ESCO1: variants seen among roughly 807,000 people sequenced by gnomAD.
ESCO1 encodes N-acetyltransferase ESCO1.
In ESCO1, 33 loss-of-function variants were observed where a neutral mutation model predicts 83.5. That is an observed-to-expected ratio of 0.40 (90% CI 0.30 to 0.53). The LOEUF is 0.53. Among genes scored for constraint, ESCO1 ranks in the 20% least tolerant of loss-of-function variants. The probability of loss-of-function intolerance (pLI) is 0.63; values close to 1 mark genes in which losing one functional copy is unlikely to be tolerated. For synonymous variants in ESCO1, 332 were observed against 324.3 expected (o/e 1.02, Z -0.25); for missense variants, 855 against 968.0 (o/e 0.88, Z 1.55).
chr18:21,586,981 G>C (rs796618018), intron 1 of ESCO1, among the ~76,000 whole-genome samples: 1 of 151,952 alleles, frequency 6.6e-6, no homozygotes, highest in Non-Finnish European at 1.5e-5. Context: ...TTTTTTTTCT[G>C]CATCTATTGA....
chr18:21,567,554 T>G (rs754523575), intron 5 of ESCO1, among the ~76,000 whole-genome samples: 1 of 152,118 alleles, frequency 6.6e-6, no homozygotes, highest in African/African-American at 2.4e-5. Context: ...TTTGCAGCAT[T>G]TATTAAATCC....
intron 8 of ESCO1, among the ~76,000 whole-genome samples, chr18:21,542,755 A>G (rs1289523281): frequency 6.6e-6 from 1 of 152,240 alleles, no homozygotes; most frequent in East Asian, 1.9e-4. Context: ...TTCAAATAAC[A>G]TACTCAAGAC....
At chr18:21,592,837 G>A (rs2038699656) in intron 1 of ESCO1, among the ~76,000 whole-genome samples, 1 of 151,004 alleles carries the variant, frequency 6.6e-6, no homozygotes, top group African/African-American at 2.4e-5. Context: ...TCTCAGACGG[G>A]GCGGTTGCCG....
intron 1 of ESCO1, among the ~76,000 whole-genome samples, chr18:21,598,856 T>C (rs551488255): frequency 1.1e-3 from 165 of 152,142 alleles, no homozygotes; most frequent in Non-Finnish European, 1.7e-3. Flanking sequence ...CAAAGTCACA[T>C]ATCTGACCCA....
At chr18:21,548,010 G>A (rs554053719) in intron 8 of ESCO1, among the ~76,000 whole-genome samples, 1 of 152,312 alleles carries the variant, frequency 6.6e-6, no homozygotes, top group East Asian at 1.9e-4. Context: ...GCTGAGGCAG[G>A]AGAATGGCGT....
chr18:21,531,893 CAAAAAAAAAA>C (rs10646843), intron 11 of ESCO1, among the ~76,000 whole-genome samples: 1 of 82,070 alleles, frequency 1.2e-5, no homozygotes, highest in Non-Finnish European at 2.2e-5. Flanking sequence ...GACTCCATCT[CAAAAAAAAAA>C]AAAAAAAAAA....
chr18:21,584,827 C>T (rs1347880081), intron 1 of ESCO1, among the ~76,000 whole-genome samples: 1 of 151,832 alleles, frequency 6.6e-6, no homozygotes, highest in Non-Finnish European at 1.5e-5. Flanking sequence ...ATCTCAACAA[C>T]AACAACAAAA....
At chr18:21,548,597 C>T (rs1286046293) in intron 8 of ESCO1, among the ~76,000 whole-genome samples, 1 of 151,526 alleles carries the variant, frequency 6.6e-6, no homozygotes, top group Non-Finnish European at 1.5e-5. Flanking sequence ...GCTGGAGTTT[C>T]AAGATCAGCA....
At chr18:21,589,485 G>A (rs1457779940) in intron 1 of ESCO1, among the ~76,000 whole-genome samples, 1 of 151,774 alleles carries the variant, frequency 6.6e-6, no homozygotes, top group Non-Finnish European at 1.5e-5. Flanking sequence ...CACACCACTG[G>A]AAACTTCTAG....
chr18:21,554,977 T>C (rs2038094290), intron 8 of ESCO1, among the ~76,000 whole-genome samples: 1 of 151,494 alleles, frequency 6.6e-6, no homozygotes, highest in Admixed American at 6.6e-5. Context: ...ACGCCTGTAG[T>C]CCCAGCTACT....
In ESCO1 at chr18:21,573,336, G is replaced by C. The variant is rs774750361; in HGVS notation, c.1508C>G (p.Ser503Cys). The change falls in exon 4 of 12, where the codon TCT becomes TGT. Residue 503 changes from serine to cysteine, a missense_variant. Physicochemically the swap from Ser to Cys is moderately radical, Grantham distance 112. This residue lies in a region of ESCO1 where 726 missense variants were observed against 699.5 expected (regional missense o/e 1.04). Coordinates refer to ENST00000269214, the MANE Select transcript of ESCO1 (RefSeq NM_052911.3). The part of the protein sequence containing the change: ...DPPLDNQMKH[S>C]FDSASNKNFS... Reference sequence around the variant, plus strand: ...TACCTTATTTGATGCTGAATCAAAAGAATGTTTCATCTGATTATCCAATGG... The same window carrying C: ...TACCTTATTTGATGCTGAATCAAAACAATGTTTCATCTGATTATCCAATGG... The C allele has an allele frequency of 1.9e-6, 3 of 1,577,390 alleles. No homozygotes were observed. The highest frequency in any genetic ancestry group is 2.6e-6 in the Non-Finnish European group (3 of 1,169,694).
At chr18:21,581,325 GA>G (rs879508167) in intron 2 of ESCO1, among the ~76,000 whole-genome samples, 1,368 of 132,566 alleles carry the variant, frequency 0.01, 21 homozygotes, top group African/African-American at 0.035. Context: ...CATCTCAAAA[GA>G]AAAAAAAAAA....
intron 10 of ESCO1, among the ~76,000 whole-genome samples, chr18:21,535,260 G>A (rs989868447): frequency 6.6e-6 from 1 of 151,838 alleles, no homozygotes; most frequent in Non-Finnish European, 1.5e-5. Context: ...TGTCACCCAG[G>A]CTGGAGTGCA....
At chr18:21,576,894 G>A (rs1273685084) in intron 2 of ESCO1, among the ~76,000 whole-genome samples, 2 of 152,034 alleles carry the variant, frequency 1.3e-5, no homozygotes, top group African/African-American at 4.8e-5. Context: ...TTAACCAGGC[G>A]TGGTGGCAGG....
At chr18:21,565,198 C>T (rs2038243143) in intron 6 of ESCO1, among the ~76,000 whole-genome samples, 1 of 151,974 alleles carries the variant, frequency 6.6e-6, no homozygotes, top group Admixed American at 6.6e-5. Context: ...CAACACTTAC[C>T]ACAGTTTGAA....
In ESCO1 at chr18:21,579,118, C is replaced by T. The variant is rs1281370518; in HGVS notation, c.-693-3341G>A. 2.6e-5 allele frequency among the ~76,000 whole-genome samples: 4 copies of T among 152,054 alleles called. No individual in the cohort carries two copies. In the East Asian group the frequency reaches 5.8e-4, roughly 22 times the overall value. ...CTCATGAACTGCCTGCCTCGGCCTC[C>T]CAAAGTGCTGCAATTACAGGCATGA... On this transcript the variant is annotated intron_variant, in intron 2 of 11. Coordinates refer to ENST00000269214, the MANE Select transcript of ESCO1 (RefSeq NM_052911.3).
At chr18:21,532,426 A>G (rs200237086) in intron 11 of ESCO1, 47 bp downstream of exon 11, 504 of 1,549,242 alleles carry the variant, frequency 3.3e-4, no homozygotes, top group Admixed American at 5.7e-4. Context: ...AGCTCTGCCT[A>G]AGTCCTAAAC....
intron 1 of ESCO1, among the ~76,000 whole-genome samples, chr18:21,599,283 C>A (rs970376856): frequency 3.3e-5 from 5 of 152,194 alleles, no homozygotes; most frequent in African/African-American, 9.7e-5. Flanking sequence ...GTCAAGGCTG[C>A]AGTGAACAGT....
intron 8 of ESCO1, among the ~76,000 whole-genome samples, chr18:21,543,141 G>T (rs2037927824): frequency 6.6e-6 from 1 of 152,080 alleles, no homozygotes; most frequent in Non-Finnish European, 1.5e-5. Context: ...CTAACAGCAA[G>T]AAATTATTAT....
Sources: allele counts gnomAD v4.1 joint callset (sites outside exome capture counted in the v4.1 genomes callset), GRCh38; gene constraint gnomAD v4.1.1; regional missense constraint gnomAD v4.1.1; transcripts MANE v1.5; gene names NCBI Gene and HGNC (gene_info 2026-07-23, HGNC 2026-07-21).